Variants in HPCAL1 observed in about 807,000 individuals in gnomAD.
The protein encoded by HPCAL1 is hippocalcin like 1.
HPCAL1 carries 8 observed loss-of-function variants against 17.1 expected under a neutral mutation model. That is an observed-to-expected ratio of 0.47 (90% CI 0.27 to 0.84). The LOEUF (loss-of-function observed/expected upper bound fraction) is 0.84. Among genes scored for constraint, HPCAL1 ranks in the 40% least tolerant of loss-of-function variants. The pLI is 0.13. For synonymous variants in HPCAL1, 112 were observed against 111.4 expected (o/e 1.01, Z -0.03); for missense variants, 165 against 271.1 (o/e 0.61, Z 2.75).
chr2:10,314,824 TG>T (rs747740859), intron 1 of HPCAL1, among the ~76,000 whole-genome samples: 1 of 152,332 alleles, frequency 6.6e-6, no homozygotes, highest in Non-Finnish European at 1.5e-5. Flanking sequence ...TGTTTCAAAT[TG>T]TTTTTTTTAA....
At chr2:10,397,859 C>T (rs1359889535) in intron 2 of HPCAL1, among the ~76,000 whole-genome samples, 1 of 152,222 alleles carries the variant, frequency 6.6e-6, no homozygotes, top group East Asian at 1.9e-4. Flanking sequence ...ACCAGGTATG[C>T]GATGCTGGAG....
chr2:10,378,225 T>G (rs1170839342), intron 1 of HPCAL1, among the ~76,000 whole-genome samples: 8 of 25,286 alleles, frequency 3.2e-4, no homozygotes, highest in Admixed American at 1.5e-3. Context: ...GGTTTCATGT[T>G]TTTTTTTTTT....
In HPCAL1 at chr2:10,330,593, C is replaced by A. The variant is rs868270153; in HGVS notation, c.-111+27416C>A. 6.6e-6 allele frequency among the ~76,000 whole-genome samples: 1 copy of A among 152,192 alleles called. No individual in the cohort carries two copies. The highest frequency in any genetic ancestry group is 1.5e-5 in the Non-Finnish European group (1 of 68,026). Reference sequence around the variant, plus strand: ...AGCCCTTTCTCCCTCTGTTCTCACACGGCCATCCCTCCGAGTGTGTCTGAG... The same window carrying A: ...AGCCCTTTCTCCCTCTGTTCTCACAAGGCCATCCCTCCGAGTGTGTCTGAG... On this transcript the variant is annotated intron_variant, in intron 1 of 4. Coordinates refer to ENST00000307845, the MANE Select transcript of HPCAL1 (RefSeq NM_002149.4). This position sits in a 1 kb window ranked among gnomAD's most constrained non-coding sequence, Gnocchi z 4.2.
intron 2 of HPCAL1, among the ~76,000 whole-genome samples, chr2:10,404,894 G>A (rs1009837923): frequency 1.3e-5 from 2 of 152,074 alleles, no homozygotes; most frequent in Non-Finnish European, 2.9e-5. Flanking sequence ...TCGCCAGGCA[G>A]TGCAGAGATT....
At chr2:10,380,428 C>G (rs1667864677) in intron 1 of HPCAL1, among the ~76,000 whole-genome samples, 1 of 152,120 alleles carries the variant, frequency 6.6e-6, no homozygotes, top group Non-Finnish European at 1.5e-5. Flanking sequence ...ATTTTTCCAG[C>G]CAGACCAGTC....
At chr2:10,357,160 C>T (rs1012663985) in intron 1 of HPCAL1, among the ~76,000 whole-genome samples, 8 of 152,116 alleles carry the variant, frequency 5.3e-5, no homozygotes, top group African/African-American at 1.2e-4. Context: ...AGGAGCCTTC[C>T]GTTCCTCCTC....
At chr2:10,398,791 G>A (rs186867479) in intron 2 of HPCAL1, among the ~76,000 whole-genome samples, 68 of 152,274 alleles carry the variant, frequency 4.5e-4, no homozygotes, top group Middle Eastern at 3.4e-3. Context: ...GTAGCTGCTG[G>A]GTTGGGAGGA....
chr2:10,373,377 C>A (rs371179169), intron 1 of HPCAL1, among the ~76,000 whole-genome samples: 15 of 152,230 alleles, frequency 9.9e-5, no homozygotes, highest in African/African-American at 3.6e-4. Flanking sequence ...GCTGCTTCTG[C>A]ATGAGTGAGA....
At chr2:10,350,878 T>G (rs58506102) in intron 1 of HPCAL1, among the ~76,000 whole-genome samples, 55,526 of 151,966 alleles carry the variant, frequency 0.37, 10,601 homozygotes, top group South Asian at 0.6. Flanking sequence ...ACAACAGCGA[T>G]ATATCCAGTA....
At chr2:10,399,230 C>T (rs1669280618) in intron 2 of HPCAL1, among the ~76,000 whole-genome samples, 1 of 144,846 alleles carries the variant, frequency 6.9e-6, no homozygotes, top group Admixed American at 6.8e-5. Context: ...CCACCACCAC[C>T]ACCACCACCA....
rs753769539 is a variant in HPCAL1 at position 10,344,305 on chromosome 2, G to A, written c.-111+41128G>A. ...CAGCCCTGAGCCAAGGATTAATTAC[G>A]TAACAAGCCCAGATCCCATCCCTGC... On this transcript the variant is annotated intron_variant, in intron 1 of 4. Transcript: ENST00000307845. The surrounding 1 kb of genome is among the most constrained non-coding windows in gnomAD (Gnocchi z 4.9). 5.9e-5 allele frequency among the ~76,000 whole-genome samples: 9 copies of A among 152,248 alleles called. No individual in the cohort carries two copies. The highest frequency in any genetic ancestry group is 1.3e-4 in the Admixed American group (2 of 15,298).
chr2:10,354,218 C>T lies in HPCAL1; in HGVS notation c.-110-42617C>T, dbSNP rs760687650. ...CATCTTCTTTCTCAACCCCTCAGGC[C>T]CAGCAGAAGTCCTCTCTGTCTTCTC... On this transcript the variant is annotated intron_variant, in intron 1 of 4. Transcript: ENST00000307845. The surrounding 1 kb of genome is among the most constrained non-coding windows in gnomAD (Gnocchi z 5.1). 5 of 152,262 alleles carry T rather than the reference C, an allele frequency of 3.3e-5. No homozygotes were observed. The highest frequency in any genetic ancestry group is 1.3e-4 in the Admixed American group (2 of 15,278). 9.4% of individuals were successfully genotyped at this position (152,262 alleles called of 1,614,324 possible).
At position 10,399,243 on chromosome 2, in the gene HPCAL1, A is replaced by G. The variant is rs1246205458; in HGVS notation, c.-25+2323A>G. Among the ~76,000 whole-genome samples the G allele has an allele frequency of 7.7e-5, 9 of 117,290 alleles. 1 individual carries two copies. Among genetic ancestry groups the G allele is most frequent in the East Asian group, 2.4e-4 (1 of 4,252 alleles). 76.9% of individuals were successfully genotyped at this position (117,290 alleles called of 152,430 possible). On this transcript the variant is annotated intron_variant, in intron 2 of 4. Coordinates refer to ENST00000307845, the MANE Select transcript of HPCAL1 (RefSeq NM_002149.4). Reference sequence around the variant, plus strand: ...CACCACCACCACCACCACCACCATCACCACCACCACCACCACCATCACCAC... The same window carrying G: ...CACCACCACCACCACCACCACCATCGCCACCACCACCACCACCATCACCAC...
chr2:10,386,478 G>A (rs13431202), intron 1 of HPCAL1, among the ~76,000 whole-genome samples: 19,015 of 152,078 alleles, frequency 0.13, 1,974 homozygotes, highest in East Asian at 0.49. Flanking sequence ...GGGCTTTGAT[G>A]TGGGGAGAAA....
At position 10,362,774 on chromosome 2, in the gene HPCAL1, C is replaced by G. The variant is rs924457043; in HGVS notation, c.-110-34061C>G. ...AGACGCTGAGGAGGGCAGCCAGAAGCCCCTGCATCAGGTAGGAGTGCTGAG... is the reference window on the plus strand; with the variant it reads ...AGACGCTGAGGAGGGCAGCCAGAAGGCCCTGCATCAGGTAGGAGTGCTGAG... On this transcript the variant is annotated intron_variant, in intron 1 of 4. Coordinates refer to ENST00000307845, the MANE Select transcript of HPCAL1 (RefSeq NM_002149.4). The surrounding 1 kb of genome is among the most constrained non-coding windows in gnomAD (Gnocchi z 5.0). 2.0e-5 allele frequency among the ~76,000 whole-genome samples: 3 copies of G among 152,196 alleles called. No individual in the cohort carries two copies. The highest frequency in any genetic ancestry group is 7.2e-5 in the African/African-American group (3 of 41,438).
intron 1 of HPCAL1, among the ~76,000 whole-genome samples, chr2:10,339,773 C>T (rs1194803786): frequency 2.0e-5 from 3 of 152,320 alleles, no homozygotes; most frequent in African/African-American, 4.8e-5. Context: ...CAGCAAGATT[C>T]GGAGATAGCT....
At position 10,419,937 on chromosome 2, in the gene HPCAL1, C is replaced by T. The variant is rs1572866034; in HGVS notation, c.180C>T (p.Asp60=). 1.2e-6 allele frequency: 2 copies of T among 1,613,836 alleles called. No individual in the cohort carries two copies. Among genetic ancestry groups the T allele is most frequent in the Admixed American group, 1.7e-5 (1 of 59,996 alleles). The change falls in exon 3 of 5, where the codon GAC becomes GAT. Residue 60 remains aspartate (D), a synonymous_variant. Transcript: ENST00000307845. The surrounding 1 kb of genome is among the most constrained non-coding windows in gnomAD (Gnocchi z 5.0). ...ACGCCAACTTCTTCCCCTACGGCGA[C>T]GCTTCCAAGTTCGCCGAGCACGTCT... ...KIYANFFPYG[D]ASKFAEHVFR...
At chr2:10,340,608 C>G (rs765461912) in intron 1 of HPCAL1, among the ~76,000 whole-genome samples, 1 of 152,324 alleles carries the variant, frequency 6.6e-6, no homozygotes, top group African/African-American at 2.4e-5. Flanking sequence ...TCCAGGGCCA[C>G]GCAGTCTGTA....
chr2:10,320,325 T>G (rs1046093181), intron 1 of HPCAL1, among the ~76,000 whole-genome samples: 61 of 152,252 alleles, frequency 4.0e-4, no homozygotes, highest in African/African-American at 1.4e-3. Context: ...AGGAGGAGCC[T>G]GGTGGGGGGT....
Sources: allele counts gnomAD v4.1 joint callset (sites outside exome capture counted in the v4.1 genomes callset), GRCh38; gene constraint gnomAD v4.1.1; non-coding constraint Gnocchi (gnomAD v3.1); transcripts MANE v1.5; gene names NCBI Gene and HGNC (gene_info 2026-07-23, HGNC 2026-07-21).